Variants in ZEB2 observed in about 807,000 individuals in gnomAD.
ZEB2 encodes zinc finger E-box-binding homeobox 2.
Under a neutral mutation model 99.9 loss-of-function variants are expected in ZEB2, and 6 were observed. That is an observed-to-expected ratio of 0.06 (90% confidence interval 0.03 to 0.12). ZEB2 has a LOEUF of 0.12. Ranked by LOEUF, ZEB2 falls within the 10% of genes least tolerant of loss-of-function variation. The probability of loss-of-function intolerance (pLI) is 1.00; values close to 1 mark genes in which losing one functional copy is unlikely to be tolerated. For synonymous variants in ZEB2, 517 were observed against 542.5 expected, an observed-to-expected ratio of 0.95 and a Z score of 0.65; for missense variants, 969 against 1,502.8, an observed-to-expected ratio of 0.64 and a Z score of 5.87.
At chr2:144,497,525 T>G (rs545253095) in intron 2 of ZEB2, among the ~76,000 whole-genome samples, 1 of 152,198 alleles carries the variant, frequency 6.6e-6, no homozygotes, top group Non-Finnish European at 1.5e-5. Context: ...TTTTTACAAT[T>G]CAAAGCTCTG....
At chr2:144,461,260 T>C (rs961694244) in intron 2 of ZEB2, 6 of 152,038 alleles carry the variant, frequency 3.9e-5, no homozygotes, top group African/African-American at 1.5e-4. Context: ...ATAAAAGCAT[T>C]AAGCGCATGT....
At position 144,384,823 on chromosome 2, in the gene ZEB2, C is replaced by T. The variant is rs1038638830; in HGVS notation, c.*4628G>A. 6.6e-6 allele frequency: 1 copy of T among 152,062 alleles called. No individual in the cohort carries two copies. The highest frequency in any genetic ancestry group is 1.5e-5 in the Non-Finnish European group (1 of 68,002). 9.4% of individuals were successfully genotyped at this position (152,062 alleles called of 1,614,324 possible). A position where few individuals can be genotyped will look rare whatever the true frequency, so the allele number is the denominator to read the frequency against. ...TTTAATTGAAAAAACCAAAGCTAAGCCTTCAGTCTGAATCTTTTTTTATGA... is the reference window on the plus strand; with the variant it reads ...TTTAATTGAAAAAACCAAAGCTAAGTCTTCAGTCTGAATCTTTTTTTATGA... On this transcript the variant is annotated 3_prime_UTR_variant, in exon 10 of 10. Coordinates refer to ENST00000627532, the MANE Select transcript of ZEB2 (RefSeq NM_014795.4).
At chr2:144,415,995 C>A (rs61049821) in intron 4 of ZEB2, among the ~76,000 whole-genome samples, 19 of 152,350 alleles carry the variant, frequency 1.2e-4, no homozygotes, top group African/African-American at 4.3e-4. Flanking sequence ...ATAGTCCATG[C>A]AGAACCTGGC....
chr2:144,460,364 T>TTC (rs901907630), intron 2 of ZEB2, among the ~76,000 whole-genome samples: 5 of 152,044 alleles, frequency 3.3e-5, no homozygotes, highest in East Asian at 3.8e-4. Context: ...TTTCTTTTCT[T>TTC]TCTCTCTCTC....
At chr2:144,475,832 G>C (rs1345525496) in intron 2 of ZEB2, among the ~76,000 whole-genome samples, 2 of 152,168 alleles carry the variant, frequency 1.3e-5, no homozygotes, top group Admixed American at 1.3e-4. Context: ...CACCTCAGTA[G>C]CAGGTTTTAA....
chr2:144,487,241 A>G (rs1704611515), intron 2 of ZEB2, among the ~76,000 whole-genome samples: 1 of 152,156 alleles, frequency 6.6e-6, no homozygotes, highest in Admixed American at 6.5e-5. Flanking sequence ...ATATGCTATC[A>G]AGGAAAGCCA....
chr2:144,517,983 T>C, intron 1 of ZEB2: 1 of 305,222 alleles, frequency 3.3e-6, no homozygotes, highest in Non-Finnish European at 6.1e-6. Context: ...ATCGAGGCAC[T>C]GTCTCTTCCT....
chr2:144,410,069 G>A (rs540345715), intron 4 of ZEB2, among the ~76,000 whole-genome samples: 2 of 152,052 alleles, frequency 1.3e-5, no homozygotes, highest in East Asian at 1.9e-4. Flanking sequence ...CTGCCACCAC[G>A]CCCGGCTAAT....
Position 144,401,251 on chromosome 2 carries a change from G to A in ZEB2, c.864C>T (p.Gly288=), listed in dbSNP as rs1270370214. The A allele has an allele frequency of 4.3e-6, 7 of 1,614,166 alleles. No individual in the cohort carries two copies. Among genetic ancestry groups the A allele is most frequent in the Non-Finnish European group, 5.9e-6 (7 of 1,179,996 alleles). ...GNRKFKCTEC[G]KAFKYKHHLK... is the part of the protein sequence containing the mutation. ...GATGGTGTTTATATTTGAAGGCCTT[G>A]CCACACTCTGTGCATTTGAACTTGC... Residue 288 remains glycine (G), a synonymous_variant, in exon 7 of 10, where the codon GGC becomes GGT. Coordinates refer to ENST00000627532, the MANE Select transcript of ZEB2 (RefSeq NM_014795.4).
chr2:144,469,462 CCCAATTAGT>C (rs2149908506), intron 2 of ZEB2, among the ~76,000 whole-genome samples: 1 of 152,240 alleles, frequency 6.6e-6, no homozygotes, highest in Non-Finnish European at 1.5e-5. Context: ...GCTACAGACT[CCCAATTAGT>C]CACTATTCAT....
rs769925484 is a variant in ZEB2, at chr2:144,399,843, A to C, written c.1344T>G (p.Leu448=). Residue 448 remains leucine (L), a synonymous_variant, in exon 8 of 10, where the codon CTT becomes CTG. Coordinates refer to ENST00000627532, the MANE Select transcript of ZEB2 (RefSeq NM_014795.4). This position sits in a 1 kb window ranked among gnomAD's most constrained non-coding sequence, Gnocchi z 5.6. ...AATTACTATTCATGGTGGGAAACCC[A>C]AGTAAAGGGGCTTCCATCCCTACAC... is the stretch of plus-strand genomic sequence containing the variant. The part of the protein sequence containing the change: ...HLGVGMEAPL[L]GFPTMNSNLS... 7.7e-5 allele frequency: 125 copies of C among 1,614,078 alleles called. No individual in the cohort carries two copies. The highest frequency in any genetic ancestry group is 1.0e-4 in the Non-Finnish European group (121 of 1,180,030).
At chr2:144,438,501 G>T (rs1703866192) in intron 2 of ZEB2, among the ~76,000 whole-genome samples, 1 of 152,064 alleles carries the variant, frequency 6.6e-6, no homozygotes, top group Non-Finnish European at 1.5e-5. Context: ...TGTGGTAGAG[G>T]TTTCATCAGT....
intron 2 of ZEB2, among the ~76,000 whole-genome samples, chr2:144,472,716 C>G (rs549860114): frequency 6.6e-6 from 1 of 151,824 alleles, no homozygotes; most frequent in African/African-American, 2.4e-5. Flanking sequence ...GATGGACTAC[C>G]GAAAGAAAGT....
chr2:144,511,618 C>A, intron 2 of ZEB2: 1 of 1,286,466 alleles, frequency 7.8e-7, no homozygotes, highest in Middle Eastern at 3.3e-4. Context: ...CCCAAATAGT[C>A]ATTCAATAGA....
chr2:144,505,711 A>G (rs1219717382), intron 2 of ZEB2, among the ~76,000 whole-genome samples: 1 of 152,186 alleles, frequency 6.6e-6, no homozygotes, highest in Non-Finnish European at 1.5e-5. Flanking sequence ...TTTGTTCAAC[A>G]TAGCAGTTTG....
chr2:144,424,938 AG>A, intron 3 of ZEB2, 71 bp from the exon 4 acceptor site: 2 of 1,488,766 alleles, frequency 1.3e-6, no homozygotes, highest in Admixed American at 3.4e-5. Flanking sequence ...TGCCAAGCAC[AG>A]GAACAAGGAA....
At chr2:144,409,495 C>A (rs1703429549) in intron 4 of ZEB2, among the ~76,000 whole-genome samples, 1 of 152,014 alleles carries the variant, frequency 6.6e-6, no homozygotes, top group African/African-American at 2.4e-5. Flanking sequence ...GGAAGAACTG[C>A]CAAAACACAC....
chr2:144,403,089 A>C (rs1043130375), intron 6 of ZEB2, among the ~76,000 whole-genome samples: 1 of 152,254 alleles, frequency 6.6e-6, no homozygotes, highest in African/African-American at 2.4e-5. Context: ...AAGGCACACC[A>C]CTTCTGTCCA....
chr2:144,513,612 C>T (rs964708561), intron 2 of ZEB2: 57 of 1,529,894 alleles, frequency 3.7e-5, no homozygotes, highest in Admixed American at 5.9e-5. Context: ...TGGAAGGTGG[C>T]GGGATGGGGA....
Sources: allele counts gnomAD v4.1 joint callset (sites outside exome capture counted in the v4.1 genomes callset), GRCh38; gene constraint gnomAD v4.1.1; non-coding constraint Gnocchi (gnomAD v3.1); transcripts MANE v1.5; gene names NCBI Gene and HGNC (gene_info 2026-07-23, HGNC 2026-07-21).